The following ANKRD28 variants were observed in gnomAD, a reference collection of about 807,000 sequenced individuals.
ANKRD28 encodes the protein ankyrin repeat domain 28.
In ANKRD28, 44 loss-of-function variants were observed where a neutral mutation model predicts 126.5. The ratio of observed to expected loss-of-function variants is 0.35; its 90% confidence interval spans 0.27 to 0.45. ANKRD28 has a LOEUF of 0.45. Ranked by LOEUF, ANKRD28 falls within the 20% of genes least tolerant of loss-of-function variation. The pLI is 1.00. For missense variants in ANKRD28, 1,110 were observed against 1,316.6 expected, an observed-to-expected ratio of 0.84 and a Z score of 2.43; for synonymous variants, 442 against 468.5, an observed-to-expected ratio of 0.94 and a Z score of 0.73.
chr3:15,808,399 T>C (rs564585921), intron 1 of ANKRD28, among the ~76,000 whole-genome samples: 2 of 152,334 alleles, frequency 1.3e-5, no homozygotes, highest in East Asian at 3.9e-4. Flanking sequence ...TCCCCTGGCT[T>C]TCTACCTCAG....
intron 1 of ANKRD28, among the ~76,000 whole-genome samples, chr3:15,823,177 G>A (rs1238216075): frequency 6.6e-6 from 1 of 152,196 alleles, no homozygotes; most frequent in Non-Finnish European, 1.5e-5. Context: ...TCAGGCATTA[G>A]ATTCTCCTAA....
rs2060290424 is a variant in ANKRD28 at position 15,796,655 on chromosome 3, T to C, written c.-134A>G. On this transcript the variant is annotated 5_prime_UTR_variant, in exon 1 of 28. Coordinates refer to ENST00000683139, the MANE Select transcript of ANKRD28 (RefSeq NM_001349278.2). ...ACAGCACAGCTGGGTTTTTTTTTTT[T>C]TTAAAGTTAATAAGTACTACTGGAA... 5.0e-6 allele frequency: 5 copies of C among 1,002,896 alleles called. No homozygotes were observed. The highest frequency in any genetic ancestry group is 6.0e-6 in the Non-Finnish European group (5 of 836,478). 62.1% of individuals were successfully genotyped at this position (1,002,896 alleles called of 1,614,324 possible).
intron 4 of ANKRD28, 51 bp downstream of exon 4, chr3:15,751,699 G>A (rs994653868): frequency 1.2e-5 from 14 of 1,147,072 alleles, no homozygotes; most frequent in Admixed American, 4.2e-5. Flanking sequence ...TCAGGGGTAC[G>A]CCTATTTAAT....
rs150857548 is a variant in ANKRD28 at position 15,830,596 on chromosome 3, C to T, written c.27+28781G>A. 9.9e-5 allele frequency among the ~76,000 whole-genome samples: 15 copies of T among 152,074 alleles called. No individual in the cohort carries two copies. Among genetic ancestry groups the T allele is most frequent in the African/African-American group, 3.4e-4 (14 of 41,476 alleles). On this transcript the variant is annotated intron_variant, in intron 1 of 27. Transcript: ENST00000399451. The surrounding 1 kb of genome is among the most constrained non-coding windows in gnomAD (Gnocchi z 4.5). ...CCACCCCCCACCGCACCCCCATCCACGGAAAAATTGTCTTCCACGAAACTG... is the reference window on the plus strand; with the variant it reads ...CCACCCCCCACCGCACCCCCATCCATGGAAAAATTGTCTTCCACGAAACTG...
In ANKRD28 at chr3:15,843,472, T is replaced by G. The variant is rs1353126305; in HGVS notation, c.27+15905A>C. 6.6e-6 allele frequency among the ~76,000 whole-genome samples: 1 copy of G among 151,652 alleles called. No individual in the cohort carries two copies. The highest frequency in any genetic ancestry group is 2.4e-5 in the African/African-American group (1 of 41,220). The stretch of plus-strand genomic sequence containing the variant: ...ATCCGGACACCAATATACAACAATA[T>G]GTAGTGGCAGGAGGAGAAGTACAAA... On this transcript the variant is annotated intron_variant, in intron 1 of 27. Coordinates refer to the ANKRD28 transcript ENST00000399451. The surrounding 1 kb of genome is among the most constrained non-coding windows in gnomAD (Gnocchi z 5.2).
rs1383607475 is a variant in ANKRD28 at position 15,797,340 on chromosome 3, T to C, written c.-819A>G. 4.2e-5 allele frequency: 41 copies of C among 985,230 alleles called. No individual in the cohort carries two copies. Among genetic ancestry groups the C allele is most frequent in the Admixed American group, 6.2e-5 (1 of 16,234 alleles). The allele number at this position is 985,230 out of a possible 1,614,324, so 61.0% of individuals were successfully genotyped here. A position where few individuals can be genotyped will look rare whatever the true frequency, so the allele number is the denominator to read the frequency against. On this transcript the variant is annotated 5_prime_UTR_variant, in exon 1 of 28. Coordinates refer to ENST00000683139, the MANE Select transcript of ANKRD28 (RefSeq NM_001349278.2). ...TGATTAATCCAGGTTTCCCATATAATAGAAGAAACACAGTTAGCTTTATTC... is the reference window on the plus strand; with the variant it reads ...TGATTAATCCAGGTTTCCCATATAACAGAAGAAACACAGTTAGCTTTATTC...
At chr3:15,676,052 C>T in intron 26 of ANKRD28, 63 bp from the exon 27 acceptor site, 1 of 1,356,770 alleles carries the variant, frequency 7.4e-7, no homozygotes, top group East Asian at 2.5e-5. Flanking sequence ...CACATACACA[C>T]CTGGCTGTCA....
chr3:15,686,051 GCTC>G lies in ANKRD28; in HGVS notation c.2117_2119del (p.Gly706del). ...CCACTTATCTTTGGCATCTACATTT[GCTC>G]CTTTGTTCAGCAATGAGTAAACACA... On this transcript the variant is annotated inframe_deletion, in exon 20 of 28. Transcript: ENST00000683139. 1 of 1,613,738 alleles carries G rather than the reference GCTC, an allele frequency of 6.2e-7. No individual in the cohort carries two copies. Among genetic ancestry groups the G allele is most frequent in the Non-Finnish European group, 8.5e-7 (1 of 1,179,816 alleles).
At chr3:15,856,133 C>T (rs996560076) in intron 1 of ANKRD28, among the ~76,000 whole-genome samples, 1 of 152,016 alleles carries the variant, frequency 6.6e-6, no homozygotes, top group South Asian at 2.1e-4. Context: ...GACTTGCCAA[C>T]GTTTACAAAT....
intron 3 of ANKRD28, among the ~76,000 whole-genome samples, chr3:15,762,863 A>T (rs1484525607): frequency 1.3e-5 from 2 of 152,282 alleles, no homozygotes; most frequent in East Asian, 3.9e-4. Flanking sequence ...TATAAATTTT[A>T]TATTATTCCC....
rs773909454 is a variant in ANKRD28, at chr3:15,714,585, G to A, written c.1068C>T (p.Ile356=). Residue 356 remains isoleucine (I), a synonymous_variant, in exon 9 of 28, where the codon ATC becomes ATT. Transcript: ENST00000683139. The part of the protein sequence containing the change: ...HGRFSRSQTI[I]QSGAVIDCED... ...AACAGAAATACTTTTTACCACTCTGGATAATGGTTTGTGATCGGGAGAATC... is the reference window on the plus strand; with the variant it reads ...AACAGAAATACTTTTTACCACTCTGAATAATGGTTTGTGATCGGGAGAATC... 6.3e-7 allele frequency: 1 copy of A among 1,586,858 alleles called. No homozygotes were observed. Among genetic ancestry groups the A allele is most frequent in the East Asian group, 2.3e-5 (1 of 44,276 alleles).
At position 15,696,124 on chromosome 3, in the gene ANKRD28, G is replaced by T; in HGVS notation, c.1659+10C>A. 6.5e-7 allele frequency: 1 copy of T among 1,535,650 alleles called. No homozygotes were observed. On this transcript the variant is annotated intron_variant, in intron 15 of 27. Transcript: ENST00000683139. Reference sequence around the variant, plus strand: ...CCATTAGGTCTTTCACAAGAATTCAGGAATCTTACCAGCTGAAGACATAGA... The same window carrying T: ...CCATTAGGTCTTTCACAAGAATTCATGAATCTTACCAGCTGAAGACATAGA...
At chr3:15,859,580 C>CCGGCCGCCCG (rs2061861474) in exon 1 of ANKRD28, 1 of 222,778 alleles carries the variant, frequency 4.5e-6, no homozygotes, top group African/African-American at 2.5e-5. Flanking sequence ...TCCCCGGCCG[C>CCGGCCGCCCG]CCGCCGCCGC....
At chr3:15,809,195 G>A (rs2060654226) in intron 1 of ANKRD28, among the ~76,000 whole-genome samples, 1 of 152,084 alleles carries the variant, frequency 6.6e-6, no homozygotes, top group South Asian at 2.1e-4. Flanking sequence ...CAGTCACCAA[G>A]TTCTATGCAT....
intron 4 of ANKRD28, among the ~76,000 whole-genome samples, chr3:15,749,935 T>A (rs138463257): frequency 6.6e-6 from 1 of 152,324 alleles, no homozygotes; most frequent in East Asian, 1.9e-4. Flanking sequence ...GGTTCTTGGT[T>A]GTGTTTCTGT....
intron 4 of ANKRD28, among the ~76,000 whole-genome samples, chr3:15,748,588 A>G (rs1052173272): frequency 6.6e-6 from 1 of 152,188 alleles, no homozygotes; most frequent in Admixed American, 6.5e-5. Flanking sequence ...GTTCCTTTAT[A>G]GGTTACCTGA....
rs182176210 is a variant in ANKRD28 at position 15,693,167 on chromosome 3, C to G, written c.1761+1572G>C. Among the ~76,000 whole-genome samples, 499 of 152,202 alleles carry G rather than the reference C, an allele frequency of 3.3e-3. 1 individual carries two copies. Among genetic ancestry groups the G allele is most frequent in the Non-Finnish European group, 4.9e-3 (330 of 68,000 alleles). On this transcript the variant is annotated intron_variant, in intron 17 of 27. Transcript: ENST00000683139. Reference sequence around the variant, plus strand: ...TTAACCTTTACAAGATAAAAAGATTCTGGAGATTGGTTGTACAGTAATGTA... The same window carrying G: ...TTAACCTTTACAAGATAAAAAGATTGTGGAGATTGGTTGTACAGTAATGTA...
chr3:15,728,879 T>C (rs758611494), intron 6 of ANKRD28, among the ~76,000 whole-genome samples: 31 of 152,218 alleles, frequency 2.0e-4, no homozygotes, highest in Admixed American at 1.3e-4. Flanking sequence ...TTATACTGTG[T>C]GATGGTTAAC....
chr3:15,676,645 T>C (rs1021186435), intron 26 of ANKRD28: 8 of 209,278 alleles, frequency 3.8e-5, no homozygotes, highest in African/African-American at 1.7e-4. Flanking sequence ...ACCTCATTTA[T>C]TGTTAGTTTC....
Sources: gnomAD v4.1 joint callset for allele counts (sites outside exome capture counted in the v4.1 genomes callset) on GRCh38, gnomAD v4.1.1 for gene constraint, Gnocchi (gnomAD v3.1) non-coding constraint, MANE v1.5 for transcripts, NCBI Gene and HGNC (gene_info 2026-07-23, HGNC 2026-07-21) for gene names.